Variants in CNTNAP5 observed in about 807,000 individuals in gnomAD.
CNTNAP5 encodes contactin associated protein family member 5.
Under a neutral mutation model 150.2 loss-of-function variants are expected in CNTNAP5, and 72 were observed. That is an observed-to-expected ratio of 0.48 (90% CI 0.40 to 0.58). CNTNAP5 has a LOEUF of 0.58. CNTNAP5 is among the 20% of genes least tolerant of loss of function. The pLI, the probability that CNTNAP5 is intolerant of heterozygous loss-of-function variation, is 0.00. For missense variants in CNTNAP5, 1,636 were observed against 1,626.2 expected, an observed-to-expected ratio of 1.01 and a Z score of -0.10; for synonymous variants, 672 against 619.8, an observed-to-expected ratio of 1.08 and a Z score of -1.25.
chr2:124,134,406 C>A (rs1683929161), intron 1 of CNTNAP5, among the ~76,000 whole-genome samples: 1 of 151,450 alleles, frequency 6.6e-6, no homozygotes, highest in South Asian at 2.1e-4. Context: ...TATATTAACA[C>A]ACCTGGGTTC....
At chr2:124,711,740 C>T (rs757126540) in intron 13 of CNTNAP5, among the ~76,000 whole-genome samples, 10 of 151,960 alleles carry the variant, frequency 6.6e-5, no homozygotes, top group Non-Finnish European at 7.4e-5. Context: ...ACTTGGGAGG[C>T]TGAGACAGGA....
intron 6 of CNTNAP5, among the ~76,000 whole-genome samples, chr2:124,460,907 G>A (rs1197869564): frequency 6.6e-6 from 1 of 152,126 alleles, no homozygotes; most frequent in African/African-American, 2.4e-5. Flanking sequence ...AAAAGTGAAG[G>A]CCTCCATCGA....
chr2:124,414,666 C>A (rs915709555), intron 3 of CNTNAP5, among the ~76,000 whole-genome samples: 19 of 152,148 alleles, frequency 1.2e-4, no homozygotes, highest in Middle Eastern at 3.4e-3. Context: ...AATCTTTAAT[C>A]TGGAGCATGC....
At chr2:124,340,237 A>G (rs1689577186) in intron 3 of CNTNAP5, among the ~76,000 whole-genome samples, 1 of 152,222 alleles carries the variant, frequency 6.6e-6, no homozygotes, top group East Asian at 1.9e-4. Context: ...AGGAATGACT[A>G]AGGACAGCTT....
intron 1 of CNTNAP5, among the ~76,000 whole-genome samples, chr2:124,038,880 G>A (rs964977899): frequency 6.6e-6 from 1 of 152,174 alleles, no homozygotes; most frequent in Non-Finnish European, 1.5e-5. Flanking sequence ...CCTCAGTCAT[G>A]GTCCATGCCT....
chr2:124,370,310 G>A (rs182369197), intron 3 of CNTNAP5, among the ~76,000 whole-genome samples: 13 of 152,230 alleles, frequency 8.5e-5, no homozygotes, highest in Non-Finnish European at 1.9e-4. Flanking sequence ...AAGAGAAAGG[G>A]TTGCAATGGC....
At chr2:124,121,686 G>T (rs1014058529) in intron 1 of CNTNAP5, among the ~76,000 whole-genome samples, 2 of 152,104 alleles carry the variant, frequency 1.3e-5, no homozygotes, top group Admixed American at 6.5e-5. Flanking sequence ...GTACCTGAGG[G>T]AACTCCTTGC....
At chr2:124,070,605 G>T (rs775711717) in intron 1 of CNTNAP5, among the ~76,000 whole-genome samples, 1 of 151,608 alleles carries the variant, frequency 6.6e-6, no homozygotes, top group African/African-American at 2.4e-5. Context: ...ACAAAGAAGG[G>T]CATTATATAA....
chr2:124,706,832 AG>A (rs1679661619), intron 13 of CNTNAP5, among the ~76,000 whole-genome samples: 1 of 3,006 alleles, frequency 3.3e-4, no homozygotes, highest in African/African-American at 7.0e-4. Context: ...GAGGAAGAGG[AG>A]GAGGGGGAGG....
intron 13 of CNTNAP5, among the ~76,000 whole-genome samples, chr2:124,693,647 A>T (rs1212988921): frequency 6.6e-6 from 1 of 152,070 alleles, no homozygotes; most frequent in Non-Finnish European, 1.5e-5. Flanking sequence ...GCCGTGGCTG[A>T]GACACAGATG....
At chr2:124,472,535 A>G (rs1198849385) in intron 6 of CNTNAP5, among the ~76,000 whole-genome samples, 2 of 151,002 alleles carry the variant, frequency 1.3e-5, no homozygotes, top group Non-Finnish European at 3.0e-5. Context: ...AATTGATTTC[A>G]TATTAATTAT....
intron 1 of CNTNAP5, among the ~76,000 whole-genome samples, chr2:124,045,834 C>T (rs74764340): frequency 4.1e-4 from 63 of 152,214 alleles, no homozygotes; most frequent in African/African-American, 1.5e-3. Context: ...CTTGGCAGGC[C>T]TCTCACAGAG....
intron 11 of CNTNAP5, among the ~76,000 whole-genome samples, chr2:124,588,189 T>C (rs200080138): frequency 0.057 from 4,283 of 74,960 alleles, 118 homozygotes; most frequent in African/African-American, 0.093. Flanking sequence ...TCTTTCTTTC[T>C]TTCTTTCTTT....
intron 17 of CNTNAP5, among the ~76,000 whole-genome samples, chr2:124,777,476 G>A (rs752602515): frequency 3.4e-4 from 52 of 152,038 alleles, no homozygotes; most frequent in South Asian, 8.3e-4. Flanking sequence ...CCTGCTTCCC[G>A]GGTACAAGCA....
rs1351734725 is a variant in CNTNAP5, at chr2:124,763,943, GA to G, written c.2363-33del. ...TGCTTTCCCATACCCCACTGAAAAC[GA>G]TAAACCATGTTGAAGGATTTTCTCA... On this transcript the variant is annotated intron_variant, in intron 15 of 23. Transcript: ENST00000682447. The G allele has an allele frequency of 1.9e-6, 3 of 1,605,616 alleles. No individual in the cohort carries two copies. The Admixed American group carries it at 5.1e-5, about 27-fold the overall frequency.
intron 13 of CNTNAP5, among the ~76,000 whole-genome samples, chr2:124,691,880 G>A (rs1679307396): frequency 1.3e-5 from 2 of 152,100 alleles, no homozygotes; most frequent in Non-Finnish European, 1.5e-5. Flanking sequence ...TTCTTATTAA[G>A]AGACAAAATC....
intron 6 of CNTNAP5, among the ~76,000 whole-genome samples, chr2:124,467,199 A>G (rs1693397871): frequency 6.6e-6 from 1 of 152,224 alleles, no homozygotes; most frequent in Admixed American, 6.5e-5. Flanking sequence ...TAGTGCCCTT[A>G]TGTGAGTACC....
chr2:124,430,272 A>C (rs1055031283), intron 4 of CNTNAP5, among the ~76,000 whole-genome samples: 1 of 152,128 alleles, frequency 6.6e-6, no homozygotes, highest in South Asian at 2.1e-4. Flanking sequence ...TGGCCCTGGC[A>C]CTTGCTCACT....
At chr2:124,776,285 T>C (rs1395777471) in intron 17 of CNTNAP5, among the ~76,000 whole-genome samples, 1 of 118,102 alleles carries the variant, frequency 8.5e-6, no homozygotes, top group African/African-American at 5.4e-5. Flanking sequence ...CATGGGCCTA[T>C]TTTTTTTTTC....
Sources: gnomAD v4.1 joint callset for allele counts (sites outside exome capture counted in the v4.1 genomes callset) on GRCh38, gnomAD v4.1.1 for gene constraint, MANE v1.5 for transcripts, NCBI Gene and HGNC (gene_info 2026-07-23, HGNC 2026-07-21) for gene names.